PARD3B: variants seen among roughly 807,000 people sequenced by gnomAD.
PARD3B encodes partitioning defective 3 homolog B.
Under a neutral mutation model 130.2 loss-of-function variants are expected in PARD3B, and 103 were observed. The observed-to-expected ratio is 0.79, with a 90% CI of 0.67 to 0.93. PARD3B has a LOEUF of 0.93. Among genes scored for constraint, PARD3B ranks in the 40% least tolerant of loss-of-function variants. The probability of loss-of-function intolerance (pLI) is 0.00; values close to 1 mark genes in which losing one functional copy is unlikely to be tolerated. For synonymous variants in PARD3B, 583 were observed against 553.2 expected (o/e 1.05, Z -0.76); for missense variants, 1,609 against 1,499.2 (o/e 1.07, Z -1.21).
At chr2:205,531,854 TCATCAGGAAC>T (rs979390365) in intron 21 of PARD3B, among the ~76,000 whole-genome samples, 6 of 152,218 alleles carry the variant, frequency 3.9e-5, no homozygotes, top group Non-Finnish European at 8.8e-5. Flanking sequence ...TGCTAACAGA[TCATCAGGAAC>T]CATGATTTGC....
chr2:205,400,672 C>T (rs2046219422), intron 18 of PARD3B, among the ~76,000 whole-genome samples: 2 of 151,682 alleles, frequency 1.3e-5, no homozygotes, highest in African/African-American at 4.8e-5. Context: ...AAAGAAAGTC[C>T]TACCTCTAAG....
chr2:205,482,263 T>C (rs1180992954), intron 20 of PARD3B, among the ~76,000 whole-genome samples: 1 of 152,046 alleles, frequency 6.6e-6, no homozygotes, highest in East Asian at 1.9e-4. Context: ...GACAATTAGA[T>C]TGGAGCAGTA....
intron 18 of PARD3B, among the ~76,000 whole-genome samples, chr2:205,312,593 G>A (rs1276277490): frequency 6.6e-6 from 1 of 152,146 alleles, no homozygotes; most frequent in Non-Finnish European, 1.5e-5. Flanking sequence ...AAAAGAAATC[G>A]ATGCTAAACC....
chr2:204,935,325 CA>C (rs1333968686), intron 2 of PARD3B, among the ~76,000 whole-genome samples: 1 of 146,412 alleles, frequency 6.8e-6, no homozygotes, highest in East Asian at 2.0e-4. Context: ...GTCAGGAGAT[CA>C]AGACCATCCT....
rs116149630 is a variant in PARD3B at position 204,563,330 on chromosome 2, G to A, written c.120+17211G>A. Among the ~76,000 whole-genome samples, 1,310 of 138,536 alleles carry A rather than the reference G, an allele frequency of 9.5e-3. 11 individuals are homozygous for A. The highest frequency in any genetic ancestry group is 0.015 in the Non-Finnish European group (966 of 64,870). 90.9% of individuals were successfully genotyped at this position (138,536 alleles called of 152,430 possible). ...GATTAGGGTCCACCCTAATGACCTC[G>A]TCTTAATTTGATTCCATCTGTAAAG... is the stretch of plus-strand genomic sequence containing the variant. On this transcript the variant is annotated intron_variant, in intron 1 of 22. Coordinates refer to ENST00000406610, the MANE Select transcript of PARD3B (RefSeq NM_001302769.2).
At chr2:205,597,069 G>A (rs2054598459) in intron 22 of PARD3B, among the ~76,000 whole-genome samples, 2 of 151,862 alleles carry the variant, frequency 1.3e-5, no homozygotes, top group Non-Finnish European at 1.5e-5. Context: ...ATAGGTTCAG[G>A]GAGTACATGG....
chr2:205,003,623 A>G lies in PARD3B; in HGVS notation c.394+38300A>G, dbSNP rs573015118. On this transcript the variant is annotated intron_variant, in intron 3 of 22. Coordinates refer to ENST00000406610, the MANE Select transcript of PARD3B (RefSeq NM_001302769.2). ...CACAGTCTGCTTTGTGTTTTTCCAT[A>G]GCACGTATCCACATCTAACATAGGA... Among the ~76,000 whole-genome samples the G allele has an allele frequency of 9.8e-5, 15 of 152,288 alleles. 1 individual carries two copies. The South Asian group carries it at 1.9e-3, about 19-fold the overall frequency.
At position 204,749,649 on chromosome 2, in the gene PARD3B, G is replaced by C. The variant is rs1382356195; in HGVS notation, c.222+63367G>C. On this transcript the variant is annotated intron_variant, in intron 2 of 22. Transcript: ENST00000406610. ...AGAGATCTGAATTATATTTCTCCTT[G>C]GTTCTCGATACGGTTTAAAAGCTAA... 2.0e-5 allele frequency among the ~76,000 whole-genome samples: 3 copies of C among 152,000 alleles called. No homozygotes were observed. In the South Asian group the frequency reaches 6.2e-4, roughly 31 times the overall value.
chr2:205,476,780 A>T (rs2049037560), intron 20 of PARD3B, among the ~76,000 whole-genome samples: 1 of 152,184 alleles, frequency 6.6e-6, no homozygotes, highest in South Asian at 2.1e-4. Context: ...TATAAGTGTT[A>T]ATCACTTATT....
At chr2:205,218,880 G>A (rs1402962629) in intron 15 of PARD3B, among the ~76,000 whole-genome samples, 1 of 152,144 alleles carries the variant, frequency 6.6e-6, no homozygotes, top group African/African-American at 2.4e-5. Flanking sequence ...AGGAATTCAA[G>A]ACCAGCCTGC....
chr2:204,763,537 A>G (rs376122170), intron 2 of PARD3B, among the ~76,000 whole-genome samples: 1 of 152,222 alleles, frequency 6.6e-6, no homozygotes. Context: ...GGAAAAATGA[A>G]TATTAAAAAA....
intron 2 of PARD3B, among the ~76,000 whole-genome samples, chr2:204,844,888 A>G (rs2044400958): frequency 2.6e-5 from 4 of 152,034 alleles, no homozygotes; most frequent in Admixed American, 6.6e-5. Flanking sequence ...TGAGAAGGCT[A>G]TTATCTGTTT....
chr2:205,240,208 A>G (rs2039290295), intron 15 of PARD3B, among the ~76,000 whole-genome samples: 1 of 152,210 alleles, frequency 6.6e-6, no homozygotes, highest in Non-Finnish European at 1.5e-5. Context: ...TTGATCTGCT[A>G]AAGGAGAGGA....
chr2:205,156,553 AAG>A (rs1559493535), intron 10 of PARD3B, among the ~76,000 whole-genome samples: 2 of 151,566 alleles, frequency 1.3e-5, no homozygotes. Flanking sequence ...TAAAAAAAAA[AAG>A]AGAGTCTGAC....
intron 2 of PARD3B, among the ~76,000 whole-genome samples, chr2:204,772,466 TG>T (rs2041428262): frequency 6.6e-6 from 1 of 152,128 alleles, no homozygotes. Flanking sequence ...TAACTATTTG[TG>T]GTTGTAGGGA....
At chr2:205,377,375 A>G (rs1405125992) in intron 18 of PARD3B, among the ~76,000 whole-genome samples, 2 of 152,186 alleles carry the variant, frequency 1.3e-5, no homozygotes, top group Non-Finnish European at 2.9e-5. Flanking sequence ...CCTTGAACTC[A>G]TTTTTGAAAT....
intron 2 of PARD3B, among the ~76,000 whole-genome samples, chr2:204,954,692 G>A (rs1403103450): frequency 1.3e-5 from 2 of 152,290 alleles, no homozygotes; most frequent in East Asian, 3.9e-4. Context: ...CAGGGTGACA[G>A]GCCAGGAGAC....
intron 2 of PARD3B, among the ~76,000 whole-genome samples, chr2:204,745,155 A>T (rs943110837): frequency 6.6e-6 from 1 of 152,130 alleles, no homozygotes; most frequent in Non-Finnish European, 1.5e-5. Flanking sequence ...TCCAGAATCG[A>T]TGATGTTGGA....
intron 2 of PARD3B, among the ~76,000 whole-genome samples, chr2:204,806,051 T>C (rs947509783): frequency 6.6e-6 from 1 of 152,066 alleles, no homozygotes; most frequent in African/African-American, 2.4e-5. Context: ...TGCTAAAATG[T>C]ACGTTCTGCC....
Sources: gnomAD v4.1 joint callset for allele counts (sites outside exome capture counted in the v4.1 genomes callset) on GRCh38, gnomAD v4.1.1 for gene constraint, MANE v1.5 for transcripts, NCBI Gene and HGNC (gene_info 2026-07-23, HGNC 2026-07-21) for gene names.